The following MYCBP2 variants were observed in gnomAD, a reference collection of about 807,000 sequenced individuals.
MYCBP2 encodes the protein MYC binding protein 2.
A neutral mutation model predicts 525.3 loss-of-function variants in MYCBP2; 120 were observed. That is an observed-to-expected ratio of 0.23 (90% confidence interval 0.20 to 0.27). MYCBP2 has a LOEUF of 0.27. Ranked by LOEUF, MYCBP2 falls within the 10% of genes least tolerant of loss-of-function variation. The pLI, the probability that MYCBP2 is intolerant of heterozygous loss-of-function variation, is 1.00. For missense variants in MYCBP2, 4,149 were observed against 5,657.1 expected (o/e 0.73, Z 8.55); for synonymous variants, 1,894 against 1,955.8 (o/e 0.97, Z 0.83).
At chr13:77,168,216 T>C (rs935739771) in intron 40 of MYCBP2, among the ~76,000 whole-genome samples, 1 of 152,192 alleles carries the variant, frequency 6.6e-6, no homozygotes, top group African/African-American at 2.4e-5. Flanking sequence ...ACAACTCTCA[T>C]AAACCAATAA....
chr13:77,296,735 T>C, intron 1 of MYCBP2, 61 bp from the exon 2 acceptor site: 1 of 1,178,876 alleles, frequency 8.5e-7, no homozygotes. Flanking sequence ...CATACAAAGC[T>C]ATCAAAAATG....
At chr13:77,172,780 C>T (rs1343015137) in intron 37 of MYCBP2, among the ~76,000 whole-genome samples, 2 of 152,206 alleles carry the variant, frequency 1.3e-5, no homozygotes, top group Non-Finnish European at 2.9e-5. Context: ...CAGATGTCTA[C>T]TAGCCAACTA....
rs2057948616 is a variant in MYCBP2, at chr13:77,161,720, A to AT, written c.6597+185dup. Among the ~76,000 whole-genome samples, 4 of 152,198 alleles carry AT rather than the reference A, an allele frequency of 2.6e-5. No individual in the cohort carries two copies. The South Asian group carries it at 8.3e-4, about 31-fold the overall frequency. On this transcript the variant is annotated intron_variant, in intron 44 of 82. Transcript: ENST00000544440. Reference sequence around the variant, plus strand: ...CCAGAGTCAATTACCCACCAAATACATAGGGCTCACATGGGTTTCTCCCAC... The same window carrying AT: ...CCAGAGTCAATTACCCACCAAATACATTAGGGCTCACATGGGTTTCTCCCAC...
intron 49 of MYCBP2, among the ~76,000 whole-genome samples, chr13:77,141,444 C>T (rs2054601425): frequency 6.6e-6 from 1 of 152,100 alleles, no homozygotes; most frequent in African/African-American, 2.4e-5. Context: ...CAGTATCTAA[C>T]TCACCGAGCT....
intron 1 of MYCBP2, among the ~76,000 whole-genome samples, chr13:77,309,255 C>T (rs2079852171): frequency 6.6e-6 from 1 of 152,126 alleles, no homozygotes; most frequent in Admixed American, 6.5e-5. Context: ...TTTCTTATTG[C>T]CAACCTCAAG....
chr13:77,224,972 C>T (rs976375406), intron 19 of MYCBP2, among the ~76,000 whole-genome samples: 1 of 152,110 alleles, frequency 6.6e-6, no homozygotes, highest in Admixed American at 6.6e-5. Context: ...AGGAATTTAA[C>T]ATTTTTGTTT....
At chr13:77,150,252 T>C (rs1046173752) in intron 47 of MYCBP2, among the ~76,000 whole-genome samples, 15 of 152,230 alleles carry the variant, frequency 9.9e-5, no homozygotes, top group African/African-American at 3.4e-4. Context: ...CCTGAAGAGA[T>C]ACATTCTAGC....
At chr13:77,062,069 A>G (rs947466473) in intron 74 of MYCBP2, among the ~76,000 whole-genome samples, 3 of 152,240 alleles carry the variant, frequency 2.0e-5, no homozygotes, top group Admixed American at 6.5e-5. Context: ...GCCCCATTAT[A>G]TATCTAAACA....
intron 37 of MYCBP2, among the ~76,000 whole-genome samples, chr13:77,172,881 A>T (rs2154231683): frequency 6.6e-6 from 1 of 152,364 alleles, no homozygotes; most frequent in Non-Finnish European, 1.5e-5. Flanking sequence ...GCAGTAGCGT[A>T]ACTTAACAGA....
intron 18 of MYCBP2, among the ~76,000 whole-genome samples, chr13:77,229,671 A>C (rs2066861883): frequency 1.3e-5 from 2 of 152,220 alleles, no homozygotes; most frequent in African/African-American, 4.8e-5. Context: ...CAACACAATC[A>C]GTTAAGAATT....
chr13:77,107,729 TTGTCTC>T (rs2048065467), intron 55 of MYCBP2, among the ~76,000 whole-genome samples: 2 of 151,778 alleles, frequency 1.3e-5, no homozygotes, highest in Non-Finnish European at 2.9e-5. Context: ...CAGAGTGAAA[TTGTCTC>T]AAAAAAATAA....
rs372037284 is a variant in MYCBP2, at chr13:77,133,745, A to G, written c.7659+5451T>C. On this transcript the variant is annotated intron_variant, in intron 52 of 82. Transcript: ENST00000544440. ...TAGTTCACATACATAGCATGTCCCC[A>G]TAACTCTGAACATTTGATTCTCTGT... Among the ~76,000 whole-genome samples the G allele has an allele frequency of 7.9e-5, 12 of 152,280 alleles. No homozygotes were observed. The East Asian group carries it at 1.4e-3, about 17-fold the overall frequency.
At chr13:77,080,667 T>G (rs570136050) in intron 65 of MYCBP2, 23 of 152,384 alleles carry the variant, frequency 1.5e-4, no homozygotes, top group Admixed American at 1.4e-3. Context: ...ATAGGCTGGG[T>G]GCAGTGGCTC....
intron 24 of MYCBP2, among the ~76,000 whole-genome samples, chr13:77,206,192 G>T (rs1025657015): frequency 6.6e-6 from 1 of 151,646 alleles, no homozygotes; most frequent in Non-Finnish European, 1.5e-5. Flanking sequence ...ACATCTCAAA[G>T]TAATTAAATA....
At chr13:77,226,615 T>A (rs1009359077) in intron 18 of MYCBP2, among the ~76,000 whole-genome samples, 4 of 152,206 alleles carry the variant, frequency 2.6e-5, no homozygotes, top group African/African-American at 9.6e-5. Flanking sequence ...ACACTTTCTA[T>A]CCTGTATTTT....
chr13:77,118,456 C>G (rs1488429256), intron 55 of MYCBP2: 1 of 764,860 alleles, frequency 1.3e-6, no homozygotes, highest in South Asian at 1.3e-5. Flanking sequence ...GAGATTGGGT[C>G]GTGACTGAAT....
At chr13:77,294,104 C>CATA (rs1297038387) in intron 2 of MYCBP2, among the ~76,000 whole-genome samples, 1 of 41,920 alleles carries the variant, frequency 2.4e-5, no homozygotes, top group Non-Finnish European at 5.2e-5. Context: ...GATATAATGG[C>CATA]TATATATATA....
At chr13:77,078,946 A>G (rs2277418) in intron 65 of MYCBP2, 57 bp from the exon 66 acceptor site, 54,261 of 1,396,616 alleles carry the variant, frequency 0.039, 2,310 homozygotes, top group East Asian at 0.15. Context: ...AGAACTTACA[A>G]TGGTTTCTCA....
At chr13:77,247,022 G>A (rs2070158646) in intron 15 of MYCBP2, among the ~76,000 whole-genome samples, 1 of 152,130 alleles carries the variant, frequency 6.6e-6, no homozygotes, top group South Asian at 2.1e-4. Context: ...AATGGTGAGA[G>A]ACTGAAAGCT....
Sources: allele counts gnomAD v4.1 joint callset (sites outside exome capture counted in the v4.1 genomes callset), GRCh38; gene constraint gnomAD v4.1.1; transcripts MANE v1.5; gene names NCBI Gene and HGNC (gene_info 2026-07-23, HGNC 2026-07-21).